AKAP13: variants seen among roughly 807,000 people sequenced by gnomAD.
AKAP13 encodes the protein A-kinase anchoring protein 13.
A neutral mutation model predicts 264.5 loss-of-function variants in AKAP13; 80 were observed. The ratio of observed to expected loss-of-function variants is 0.30; its 90% confidence interval spans 0.25 to 0.36. AKAP13 has a LOEUF of 0.36. Among genes scored for constraint, AKAP13 ranks in the 10% least tolerant of loss-of-function variants. The probability of loss-of-function intolerance (pLI) is 1.00; values close to 1 mark genes in which losing one functional copy is unlikely to be tolerated. For synonymous variants in AKAP13, 1,380 were observed against 1,250.2 expected (o/e 1.10, Z -2.19); for missense variants, 3,712 against 3,435.2 (o/e 1.08, Z -2.01).
At chr15:85,497,264 C>A (rs1237550217) in intron 2 of AKAP13, among the ~76,000 whole-genome samples, 2 of 152,206 alleles carry the variant, frequency 1.3e-5, no homozygotes, top group Admixed American at 6.5e-5. Flanking sequence ...GGAATAGATT[C>A]TTTCACTGGG....
intron 25 of AKAP13, among the ~76,000 whole-genome samples, chr15:85,722,715 T>C (rs1431044672): frequency 6.6e-6 from 1 of 152,068 alleles, no homozygotes; most frequent in African/African-American, 2.4e-5. Context: ...TGTTCCTAGG[T>C]AGTTATTTTA....
intron 1 of AKAP13, among the ~76,000 whole-genome samples, chr15:85,420,813 A>G (rs762123813): frequency 1.3e-5 from 2 of 152,184 alleles, no homozygotes; most frequent in Non-Finnish European, 2.9e-5. Flanking sequence ...AAAAAATTTA[A>G]AAGGACTACA....
At chr15:85,735,419 T>C (rs1015475394) in intron 31 of AKAP13, 141 bp from the exon 32 acceptor site, 3 of 894,398 alleles carry the variant, frequency 3.4e-6, no homozygotes, top group Non-Finnish European at 5.1e-6. Flanking sequence ...ATCACTTAGC[T>C]GCCACCAAGC....
chr15:85,517,280 C>T (rs1002249136), intron 2 of AKAP13, among the ~76,000 whole-genome samples: 2 of 152,178 alleles, frequency 1.3e-5, no homozygotes, highest in African/African-American at 4.8e-5. Context: ...AAGCCCATTT[C>T]TTTCCATTCA....
chr15:85,474,785 A>G (rs752757893), intron 1 of AKAP13, among the ~76,000 whole-genome samples: 2 of 152,230 alleles, frequency 1.3e-5, no homozygotes, highest in Non-Finnish European at 2.9e-5. Context: ...TTAAAGGCTT[A>G]GTATTGTGAA....
At position 85,582,086 on chromosome 15, in the gene AKAP13, C is replaced by G. The variant is rs1381089915; in HGVS notation, c.4018C>G (p.Gln1340Glu). 1 of 1,603,964 alleles carries G rather than the reference C, an allele frequency of 6.2e-7. No homozygotes were observed. The highest frequency in any genetic ancestry group is 1.8e-4 in the Middle Eastern group (1 of 5,612). ...GCCAGAGAAGATCATTTTACCTGTC[C>G]AGGGGCCTGAGCCAGCAGCAGGTAA... Reference protein sequence around the residue: ...EEPEKIILPVQGPEPAAEMPD... With the variant: ...EEPEKIILPVEGPEPAAEMPD... Residue 1340 changes from glutamine to glutamate, a missense_variant, in exon 7 of 37, where the codon CAG becomes GAG. By Grantham distance (29) the Gln-to-Glu change is conservative. Transcript: ENST00000394518.
intron 14 of AKAP13, among the ~76,000 whole-genome samples, chr15:85,674,550 G>T (rs957494221): frequency 1.3e-5 from 2 of 152,138 alleles, no homozygotes; most frequent in Non-Finnish European, 2.9e-5. Context: ...TTTGCTTATG[G>T]CATGTGAGTT....
In AKAP13 at chr15:85,669,582, G is replaced by T. The variant is rs1484295794; in HGVS notation, c.4993-140G>T. On this transcript the variant is annotated intron_variant, in intron 13 of 36. Coordinates refer to ENST00000394518, the MANE Select transcript of AKAP13 (RefSeq NM_007200.5). ...CAGGAGCAGACTTTAACCTAAGTCTGTCTGACCACAAGGCCTGTGCTCTCA... is the reference window on the plus strand; with the variant it reads ...CAGGAGCAGACTTTAACCTAAGTCTTTCTGACCACAAGGCCTGTGCTCTCA... 1.6e-5 allele frequency: 9 copies of T among 548,050 alleles called. 1 individual carries two copies. The highest frequency in any genetic ancestry group is 1.3e-4 in the East Asian group (4 of 30,380). 33.9% of individuals were successfully genotyped at this position (548,050 alleles called of 1,614,324 possible). A position where few individuals can be genotyped will look rare whatever the true frequency, so the allele number is the denominator to read the frequency against.
chr15:85,506,216 G>A (rs2076217270), intron 2 of AKAP13, among the ~76,000 whole-genome samples: 2 of 152,150 alleles, frequency 1.3e-5, no homozygotes, highest in African/African-American at 4.8e-5. Flanking sequence ...CCCATGAAGT[G>A]GAGGTTGCAG....
At chr15:85,398,203 GA>G (rs953795780) in intron 1 of AKAP13, among the ~76,000 whole-genome samples, 1 of 152,086 alleles carries the variant, frequency 6.6e-6, no homozygotes, top group African/African-American at 2.4e-5. Flanking sequence ...ATGTAACTTT[GA>G]CTTTGCCAGT....
intron 25 of AKAP13, among the ~76,000 whole-genome samples, chr15:85,722,556 T>A (rs1313049222): frequency 1.3e-5 from 2 of 152,246 alleles, no homozygotes; most frequent in African/African-American, 2.4e-5. Context: ...AGGGAACACA[T>A]TGATTCCATC....
chr15:85,451,192 A>G (rs1161779813), intron 1 of AKAP13, among the ~76,000 whole-genome samples: 1 of 151,792 alleles, frequency 6.6e-6, no homozygotes, highest in Non-Finnish European at 1.5e-5. Flanking sequence ...TGTGTTTCCC[A>G]TTGCTTGGTA....
chr15:85,638,914 C>T (rs981651819), intron 8 of AKAP13, among the ~76,000 whole-genome samples: 1 of 152,022 alleles, frequency 6.6e-6, no homozygotes, highest in African/African-American at 2.4e-5. Flanking sequence ...GCACCACCAC[C>T]ATGCCTGGGT....
rs2085394708 is a variant in AKAP13 at position 85,693,410 on chromosome 15, G to A, written c.5423G>A (p.Cys1808Tyr). ...GTGGGTCCCATCAGCTGTAGCCAGT[G>A]TATGAAGCCCTTCACCAACAAAGAT... Reference protein sequence around the residue: ...PVVGPISCSQCMKPFTNKDAY... With the variant: ...PVVGPISCSQYMKPFTNKDAY... The change falls in exon 17 of 37, where the codon TGT becomes TAT. Residue 1808 changes from cysteine to tyrosine, a missense_variant. Coordinates refer to ENST00000394518, the MANE Select transcript of AKAP13 (RefSeq NM_007200.5). The A allele has an allele frequency of 1.1e-5, 18 of 1,613,600 alleles. No homozygotes were observed. The highest frequency in any genetic ancestry group is 2.2e-5 in the East Asian group (1 of 44,874).
At chr15:85,589,313 A>G (rs926548521) in intron 8 of AKAP13, among the ~76,000 whole-genome samples, 1 of 152,206 alleles carries the variant, frequency 6.6e-6, no homozygotes, top group East Asian at 1.9e-4. Context: ...TGCTGTGAGT[A>G]TGAAAGTGTC....
rs1164785468 is a variant in AKAP13, at chr15:85,741,474, G to T, written c.8037G>T (p.Gln2679His). Reference protein sequence around the residue: ...RREAERLSQRQTERDLCQVSH... With the variant: ...RREAERLSQRHTERDLCQVSH... ...AGGCAGAGCGGCTCAGCCAGCGGCA[G>T]ACAGAACGGGACCTGTGTCAGGTAA... The change falls in exon 35 of 37, where the codon CAG becomes CAT. Residue 2679 changes from glutamine to histidine, a missense_variant. Physicochemically the swap from Gln to His is conservative, Grantham distance 24. Coordinates refer to ENST00000394518, the MANE Select transcript of AKAP13 (RefSeq NM_007200.5). 6.3e-7 allele frequency: 1 copy of T among 1,599,564 alleles called. No homozygotes were observed. The highest frequency in any genetic ancestry group is 1.3e-5 in the African/African-American group (1 of 74,610).
At chr15:85,467,440 A>G (rs1359615493) in intron 1 of AKAP13, among the ~76,000 whole-genome samples, 1 of 151,958 alleles carries the variant, frequency 6.6e-6, no homozygotes, top group Non-Finnish European at 1.5e-5. Context: ...TTAAAGAGCC[A>G]TGAGTTATTT....
intron 2 of AKAP13, among the ~76,000 whole-genome samples, chr15:85,500,902 G>A (rs1413654820): frequency 2.6e-5 from 4 of 152,140 alleles, no homozygotes; most frequent in East Asian, 3.9e-4. Context: ...AGCATCTGGC[G>A]GCTGGGGTGG....
At chr15:85,573,295 T>C (rs142766085) in intron 5 of AKAP13, among the ~76,000 whole-genome samples, 159 of 152,196 alleles carry the variant, frequency 1.0e-3, no homozygotes, top group African/African-American at 3.7e-3. Context: ...AACTGTGATA[T>C]AGGTTGGGAG....
Sources: gnomAD v4.1 joint callset for allele counts (sites outside exome capture counted in the v4.1 genomes callset) on GRCh38, gnomAD v4.1.1 for gene constraint, MANE v1.5 for transcripts, NCBI Gene and HGNC (gene_info 2026-07-23, HGNC 2026-07-21) for gene names.